SNX13: variants seen among roughly 807,000 people sequenced by gnomAD.
SNX13 encodes sorting nexin-13.
A neutral mutation model predicts 133.6 loss-of-function variants in SNX13; 45 were observed. The ratio of observed to expected loss-of-function variants is 0.34; its 90% CI spans 0.27 to 0.43. The LOEUF (loss-of-function observed/expected upper bound fraction) is 0.43. SNX13 is among the 20% of genes least tolerant of loss of function. The pLI, the probability that SNX13 is intolerant of heterozygous loss-of-function variation, is 1.00. For missense variants in SNX13, 1,032 were observed against 1,145.1 expected (o/e 0.90, Z 1.43); for synonymous variants, 414 against 373.9 (o/e 1.11, Z -1.24).
At chr7:17,863,306 G>A (rs530494189) in intron 9 of SNX13, among the ~76,000 whole-genome samples, 7 of 152,234 alleles carry the variant, frequency 4.6e-5, no homozygotes, top group East Asian at 3.9e-4. Flanking sequence ...TCTTCTCAGC[G>A]GTCAGTAGAC....
Position 17,839,801 on chromosome 7 carries a change from C to A in SNX13, c.1359+6G>T, listed in dbSNP as rs373898828. Reference sequence around the variant, plus strand: ...GAAGAAAACAGTAATCAAAATACAGCCTCACCTTTTCTGATAAATACTGTT... The same window carrying A: ...GAAGAAAACAGTAATCAAAATACAGACTCACCTTTTCTGATAAATACTGTT... On this transcript the variant is annotated splice_donor_region_variant and intron_variant, in intron 13 of 25. Transcript: ENST00000428135. 1.3e-6 allele frequency: 2 copies of A among 1,586,438 alleles called. No homozygotes were observed. The highest frequency in any genetic ancestry group is 1.4e-5 in the African/African-American group (1 of 72,916).
chr7:17,879,889 T>G (rs1795146619), intron 5 of SNX13: 1 of 152,218 alleles, frequency 6.6e-6, no homozygotes, highest in Non-Finnish European at 1.5e-5. Context: ...AAGTTTGTTT[T>G]CTCTAACAAC....
chr7:17,929,665 C>A (rs1801167856), intron 1 of SNX13, among the ~76,000 whole-genome samples: 1 of 152,234 alleles, frequency 6.6e-6, no homozygotes, highest in African/African-American at 2.4e-5. Context: ...CAGAAAACTA[C>A]AATAATAGCA....
chr7:17,905,825 AG>A (rs1157646108), intron 1 of SNX13, among the ~76,000 whole-genome samples: 3 of 152,180 alleles, frequency 2.0e-5, no homozygotes, highest in Non-Finnish European at 2.9e-5. Flanking sequence ...CTGTTTAAAA[AG>A]ATGGAGTCTC....
intron 25 of SNX13, chr7:17,795,842 T>C (rs1032282996): frequency 1.3e-5 from 2 of 151,836 alleles, no homozygotes; most frequent in Non-Finnish European, 3.0e-5. Context: ...TTTTCTAAAA[T>C]GTCATTTCTA....
intron 9 of SNX13, among the ~76,000 whole-genome samples, chr7:17,858,260 C>T (rs1040781937): frequency 5.9e-5 from 9 of 152,054 alleles, no homozygotes; most frequent in African/African-American, 2.2e-4. Context: ...ACCACATGAA[C>T]ACCATTTAGA....
chr7:17,808,040 C>A (rs189989127), intron 20 of SNX13, among the ~76,000 whole-genome samples: 1 of 152,080 alleles, frequency 6.6e-6, no homozygotes, highest in African/African-American at 2.4e-5. Flanking sequence ...AAAACCAGAA[C>A]GCATCTTCTC....
chr7:17,936,118 A>G (rs1801993929), intron 1 of SNX13, among the ~76,000 whole-genome samples: 1 of 152,212 alleles, frequency 6.6e-6, no homozygotes, highest in African/African-American at 2.4e-5. Flanking sequence ...CCATGGTTAA[A>G]TGACTCTGCA....
At chr7:17,876,229 T>C (rs1381275084) in intron 5 of SNX13, among the ~76,000 whole-genome samples, 2 of 152,222 alleles carry the variant, frequency 1.3e-5, no homozygotes. Flanking sequence ...TCCACATTCA[T>C]CTTTTTAGCT....
Position 17,850,363 on chromosome 7 carries a change from C to T in SNX13, c.1049G>A (p.Arg350Gln), listed in dbSNP as rs769589522. ...TTTACTTACTTTGCCTGACTGCAAT[C>T]GCTGTATTCTTGAGTCACATACCTT... is the stretch of plus-strand genomic sequence containing the variant. Reference protein sequence around the residue: ...VKKVCDSRIQRLQSGKEINTV... With the variant: ...VKKVCDSRIQQLQSGKEINTV... Residue 350 changes from arginine to glutamine, a missense_variant, in exon 11 of 26, where the codon CGA (arginine) becomes CAA (glutamine). By Grantham distance (43) the Arg-to-Gln change is conservative. Coordinates refer to ENST00000428135, the MANE Select transcript of SNX13 (RefSeq NM_015132.5). The T allele has an allele frequency of 8.1e-6, 13 of 1,595,248 alleles. No individual in the cohort carries two copies. Among genetic ancestry groups the T allele is most frequent in the African/African-American group, 1.3e-5 (1 of 74,532 alleles).
At chr7:17,852,472 G>T (rs1205151438) in intron 9 of SNX13, among the ~76,000 whole-genome samples, 1 of 152,082 alleles carries the variant, frequency 6.6e-6, no homozygotes, top group Non-Finnish European at 1.5e-5. Context: ...CAAAAATAAG[G>T]AATCTAAGAA....
At position 17,793,993 on chromosome 7, in the gene SNX13, T is replaced by A; in HGVS notation, c.*52A>T. 1 of 1,589,032 alleles carries A rather than the reference T, an allele frequency of 6.3e-7. No individual in the cohort carries two copies. The highest frequency in any genetic ancestry group is 8.6e-7 in the Non-Finnish European group (1 of 1,166,740). On this transcript the variant is annotated 3_prime_UTR_variant, in exon 26 of 26. Transcript: ENST00000428135. ...TTTGAGTTAAGCCCCAGAAGATCTG[T>A]CCATACCATTAGTCCTGGACAAAAT...
At chr7:17,850,718 AG>A in intron 10 of SNX13, 107 bp downstream of exon 10, 1 of 890,812 alleles carries the variant, frequency 1.1e-6, no homozygotes, top group Non-Finnish European at 1.6e-6. Context: ...GATTTAATTA[AG>A]GTGAAAACAT....
intron 7 of SNX13, 61 bp downstream of exon 7, chr7:17,875,419 G>C: frequency 7.3e-7 from 1 of 1,368,092 alleles, no homozygotes; most frequent in Non-Finnish European, 1.0e-6. Flanking sequence ...TTTTTTCACT[G>C]GTTCTGCTAA....
chr7:17,836,167 C>T (rs1789110371), intron 13 of SNX13, among the ~76,000 whole-genome samples: 2 of 151,856 alleles, frequency 1.3e-5, no homozygotes, highest in Admixed American at 6.6e-5. Flanking sequence ...TTTTAGTGTA[C>T]CAACATGAAA....
rs1240719200 is a variant in SNX13, at chr7:17,873,576, C to G, written c.705G>C (p.Leu235Phe). Residue 235 changes from leucine (L) to phenylalanine (F), a missense_variant, in exon 8 of 26, where the codon TTG becomes TTC. Leu to Phe is a conservative substitution (Grantham distance 22). Coordinates refer to ENST00000428135, the MANE Select transcript of SNX13 (RefSeq NM_015132.5). ...RDLCEVLLYL[L>F]LPPGDFQNKI... ...TGTTCTGGAAATCTCCAGGAGGTAG[C>G]AATAAATATAGTAAGACCTCACACA... 6.3e-7 allele frequency: 1 copy of G among 1,584,328 alleles called. No individual in the cohort carries two copies. Among genetic ancestry groups the G allele is most frequent in the Non-Finnish European group, 8.6e-7 (1 of 1,165,630 alleles).
chr7:17,940,349 C>A lies in SNX13; in HGVS notation c.-54G>T. ...CCTAGCCTCGCCTCATGGCAACAGC[C>A]GTAGCAGCAGCGAAAACTGCTCGGG... On this transcript the variant is annotated 5_prime_UTR_variant, in exon 1 of 26. Transcript: ENST00000428135. 4 of 1,555,248 alleles carry A rather than the reference C, an allele frequency of 2.6e-6. No individual in the cohort carries two copies. Among genetic ancestry groups the A allele is most frequent in the Non-Finnish European group, 2.6e-6 (3 of 1,149,220 alleles).
chr7:17,852,612 A>T (rs1791363974), intron 9 of SNX13, among the ~76,000 whole-genome samples: 1 of 152,236 alleles, frequency 6.6e-6, no homozygotes, highest in Non-Finnish European at 1.5e-5. Flanking sequence ...GCTGTAAAAA[A>T]AATAAGCAGG....
At chr7:17,880,699 C>A (rs1442734024) in intron 5 of SNX13, 1 of 152,208 alleles carries the variant, frequency 6.6e-6, no homozygotes, top group Non-Finnish European at 1.5e-5. Flanking sequence ...ACTGGCTAAC[C>A]AAACATCAGT....
Sources: gnomAD v4.1 joint callset for allele counts (sites outside exome capture counted in the v4.1 genomes callset) on GRCh38, gnomAD v4.1.1 for gene constraint, MANE v1.5 for transcripts, NCBI Gene and HGNC (gene_info 2026-07-23, HGNC 2026-07-21) for gene names.